TET3: variants seen among roughly 807,000 people sequenced by gnomAD.
TET3 encodes methylcytosine dioxygenase TET3.
In TET3, 19 loss-of-function variants were observed where a neutral mutation model predicts 141.4. That is an observed-to-expected ratio of 0.13 (90% CI 0.09 to 0.20). TET3 has a LOEUF of 0.20. Among genes scored for constraint, TET3 ranks in the 10% least tolerant of loss-of-function variants. The probability of loss-of-function intolerance (pLI) is 1.00; values close to 1 mark genes in which losing one functional copy is unlikely to be tolerated. For synonymous variants in TET3, 1,043 were observed against 980.9 expected, an observed-to-expected ratio of 1.06 and a Z score of -1.18; for missense variants, 1,874 against 2,356.9, an observed-to-expected ratio of 0.80 and a Z score of 4.24.
At chr2:74,063,731 A>G (rs975069295) in intron 4 of TET3, among the ~76,000 whole-genome samples, 3 of 152,116 alleles carry the variant, frequency 2.0e-5, no homozygotes, top group Non-Finnish European at 2.9e-5. Flanking sequence ...TGTACAGCAT[A>G]CTAAACATAC....
chr2:74,133,750 T>C, the TET3 span, among the ~76,000 whole-genome samples: 1 of 152,194 alleles, frequency 6.6e-6, no homozygotes, highest in South Asian at 2.1e-4. Context: ...TCTGTTTTTT[T>C]GTTTGTTTTT....
chr2:74,090,067 G>A lies in TET3; in HGVS notation c.3039+20G>A, dbSNP rs765636437. The A allele has an allele frequency of 6.2e-7, 1 of 1,611,540 alleles. No individual in the cohort carries two copies. The highest frequency in any genetic ancestry group is 8.5e-7 in the Non-Finnish European group (1 of 1,178,156). On this transcript the variant is annotated intron_variant, in intron 8 of 11. Coordinates refer to ENST00000409262, the MANE Select transcript of TET3 (RefSeq NM_001287491.2). ...AAAGAGGTGAGCAGAGCTGGGCGGG[G>A]ACCCTGCCTCCCATCCTTTCTCGCC...
intron 5 of TET3, chr2:74,073,848 C>T (rs543122823): frequency 1.7e-4 from 76 of 453,746 alleles, no homozygotes; most frequent in African/African-American, 1.2e-3. Context: ...TTCATGTCCC[C>T]CTGCTTCTCT....
chr2:74,015,776 C>T (rs372316173), intron 3 of TET3, among the ~76,000 whole-genome samples: 84 of 152,238 alleles, frequency 5.5e-4, no homozygotes, highest in African/African-American at 1.9e-3. Flanking sequence ...CCAAGTTACT[C>T]TCCCCAAAGG....
intron 4 of TET3, among the ~76,000 whole-genome samples, chr2:74,066,274 A>G (rs1201022380): frequency 6.6e-6 from 1 of 152,178 alleles, no homozygotes; most frequent in Non-Finnish European, 1.5e-5. Flanking sequence ...AAGACACTTA[A>G]TATCTTAGTT....
chr2:74,016,279 G>A (rs1685723052), intron 3 of TET3, among the ~76,000 whole-genome samples: 1 of 151,508 alleles, frequency 6.6e-6, no homozygotes, highest in Non-Finnish European at 1.5e-5. Flanking sequence ...CTCCAGCCTG[G>A]GCTACAGAGC....
intron 3 of TET3, among the ~76,000 whole-genome samples, chr2:74,007,179 G>GT (rs1416009344): frequency 6.6e-6 from 1 of 152,216 alleles, no homozygotes; most frequent in Non-Finnish European, 1.5e-5. Flanking sequence ...AAGCTTTTGT[G>GT]TTTTGTATAT....
the TET3 span, chr2:74,134,698 T>C: frequency 2.2e-6 from 1 of 456,630 alleles, no homozygotes; most frequent in South Asian, 1.5e-5. Flanking sequence ...CTGAGAAAAC[T>C]GGCGAGCCAG....
the TET3 span, chr2:74,121,064 G>T: frequency 2.6e-5 from 4 of 152,094 alleles, no homozygotes; most frequent in East Asian, 7.7e-4. Flanking sequence ...AAAGACAATT[G>T]AGATTATAAA....
the TET3 span, among the ~76,000 whole-genome samples, chr2:74,114,346 T>C: frequency 6.6e-6 from 1 of 152,062 alleles, no homozygotes; most frequent in Non-Finnish European, 1.5e-5. Context: ...ATACTACATA[T>C]TGGGTACAGT....
At position 74,062,817 on chromosome 2, in the gene TET3, C is replaced by T. The variant is rs966674547; in HGVS notation, c.2495-10732C>T. On this transcript the variant is annotated intron_variant, in intron 4 of 11. Transcript: ENST00000409262. ...CCAAGAAGGTTAGTAAACCTTGTTT[C>T]ACTGTGAGAAAAAAGAGAACCGTAT... 2.0e-5 allele frequency among the ~76,000 whole-genome samples: 3 copies of T among 150,868 alleles called. No homozygotes were observed. The South Asian group carries it at 6.3e-4, about 32-fold the overall frequency.
intron 5 of TET3, among the ~76,000 whole-genome samples, chr2:74,079,984 G>A (rs904469033): frequency 1.3e-5 from 2 of 152,198 alleles, no homozygotes; most frequent in African/African-American, 4.8e-5. Flanking sequence ...GAACCTCAGA[G>A]CTGGCGTTTG....
downstream of TET3, among the ~76,000 whole-genome samples, chr2:74,112,865 G>T (rs561031732): frequency 5.3e-5 from 8 of 152,050 alleles, no homozygotes; most frequent in African/African-American, 1.7e-4. Flanking sequence ...GCTGGGCAAG[G>T]TGGTGCGTTC....
intron 3 of TET3, among the ~76,000 whole-genome samples, chr2:74,044,798 C>T (rs1687528360): frequency 6.6e-6 from 1 of 152,228 alleles, no homozygotes; most frequent in Non-Finnish European, 1.5e-5. Context: ...CTCCTAAATA[C>T]TTCAGTATGT....
chr2:74,071,684 A>G (rs998130684), intron 4 of TET3, among the ~76,000 whole-genome samples: 5 of 152,172 alleles, frequency 3.3e-5, no homozygotes, highest in African/African-American at 7.2e-5. Context: ...ATAGGACCCA[A>G]TGTAGGTTAC....
intron 3 of TET3, among the ~76,000 whole-genome samples, chr2:74,018,918 C>T (rs1033183048): frequency 5.9e-5 from 9 of 152,104 alleles, no homozygotes; most frequent in African/African-American, 1.7e-4. Flanking sequence ...GGAAGTAGAC[C>T]TTTCCGTTTA....
intron 4 of TET3, among the ~76,000 whole-genome samples, chr2:74,056,545 A>C (rs1431835234): frequency 1.3e-5 from 2 of 152,170 alleles, no homozygotes; most frequent in Admixed American, 6.5e-5. Flanking sequence ...AGGGGGGGAA[A>C]AAAAGAACCA....
chr2:74,073,174 T>C (rs533546305), intron 4 of TET3, among the ~76,000 whole-genome samples: 2 of 152,264 alleles, frequency 1.3e-5, no homozygotes, highest in South Asian at 2.1e-4. Flanking sequence ...TGGAGGGAAG[T>C]AGCTTGCTGA....
chr2:74,066,213 G>A (rs1688889706), intron 4 of TET3, among the ~76,000 whole-genome samples: 1 of 152,034 alleles, frequency 6.6e-6, no homozygotes, highest in Admixed American at 6.5e-5. Flanking sequence ...CAGTACAGAG[G>A]TTTTACTTCT....
Sources: gnomAD v4.1 joint callset for allele counts (sites outside exome capture counted in the v4.1 genomes callset) on GRCh38, gnomAD v4.1.1 for gene constraint, MANE v1.5 for transcripts, NCBI Gene and HGNC (gene_info 2026-07-23, HGNC 2026-07-21) for gene names.